Variants in RASAL2 observed in about 807,000 individuals in gnomAD.
RASAL2 encodes the protein RAS protein activator like 2.
RASAL2 carries 58 observed loss-of-function variants against 128.9 expected under a neutral mutation model. The observed-to-expected ratio is 0.45, with a 90% CI of 0.36 to 0.56. The LOEUF is 0.56. RASAL2 is among the 20% of genes least tolerant of loss of function. The probability of loss-of-function intolerance (pLI) is 0.00; values close to 1 mark genes in which losing one functional copy is unlikely to be tolerated. For missense variants in RASAL2, 1,360 were observed against 1,601.6 expected, an observed-to-expected ratio of 0.85 and a Z score of 2.57; for synonymous variants, 561 against 580.8, an observed-to-expected ratio of 0.97 and a Z score of 0.49.
intron 1 of RASAL2, among the ~76,000 whole-genome samples, chr1:178,182,708 A>G (rs1436047061): frequency 6.6e-6 from 1 of 152,114 alleles, no homozygotes; most frequent in Admixed American, 6.6e-5. Flanking sequence ...TTTCAGTTCC[A>G]ATACATGTAT....
At chr1:178,221,755 A>T (rs1001744662) in intron 1 of RASAL2, among the ~76,000 whole-genome samples, 26 of 152,210 alleles carry the variant, frequency 1.7e-4, no homozygotes, top group African/African-American at 6.3e-4. Flanking sequence ...AGTAGTCTGT[A>T]GATGTCAGGT....
At chr1:178,200,299 ATG>A (rs1449373225) in intron 1 of RASAL2, among the ~76,000 whole-genome samples, 2 of 152,180 alleles carry the variant, frequency 1.3e-5, no homozygotes, top group Non-Finnish European at 2.9e-5. Context: ...ACTTCTAATA[ATG>A]TGGAGAACAG....
At chr1:178,311,086 A>T (rs1453391538) in intron 3 of RASAL2, among the ~76,000 whole-genome samples, 1 of 152,122 alleles carries the variant, frequency 6.6e-6, no homozygotes, top group African/African-American at 2.4e-5. Context: ...TGATTTTTAG[A>T]TTCAGCCTGG....
chr1:178,371,095 G>A (rs903080509), intron 3 of RASAL2, among the ~76,000 whole-genome samples: 5 of 151,542 alleles, frequency 3.3e-5, no homozygotes, highest in African/African-American at 1.2e-4. Context: ...TTATGGTTCT[G>A]TGAACATACC....
intron 4 of RASAL2, among the ~76,000 whole-genome samples, chr1:178,393,900 G>A (rs937077884): frequency 1.3e-5 from 2 of 151,874 alleles, no homozygotes; most frequent in African/African-American, 4.8e-5. Flanking sequence ...ATATTCTCTT[G>A]GTATTACTGA....
Position 178,443,171 on chromosome 1 carries a change from A to G in RASAL2, c.1424A>G (p.Asn475Ser). ...SVLEPVISVR[N>S]KEELACALVH... ...CTTGAGCCAGTAATTAGTGTGAGAA[A>G]TAAAGAGGAGTTGGCTTGTGCCTTA... Residue 475 changes from asparagine to serine, a missense_variant, in exon 8 of 18, where the codon AAT becomes AGT. Physicochemically the swap from Asn to Ser is conservative, Grantham distance 46. Coordinates refer to ENST00000367649, the MANE Select transcript of RASAL2 (RefSeq NM_170692.4). 6.2e-7 allele frequency: 1 copy of G among 1,613,822 alleles called. No homozygotes were observed. Among genetic ancestry groups the G allele is most frequent in the Non-Finnish European group, 8.5e-7 (1 of 1,179,774 alleles).
At chr1:178,297,016 CA>C (rs1667544796) in intron 2 of RASAL2, among the ~76,000 whole-genome samples, 1 of 150,218 alleles carries the variant, frequency 6.7e-6, no homozygotes, top group Non-Finnish European at 1.5e-5. Flanking sequence ...AGAAGAAGCC[CA>C]GTACAGGGCC....
intron 1 of RASAL2, among the ~76,000 whole-genome samples, chr1:178,173,913 T>TAA (rs373439890): frequency 2.1e-5 from 3 of 142,992 alleles, no homozygotes; most frequent in African/African-American, 5.6e-5. Flanking sequence ...TTTTTTTTTT[T>TAA]TAAAAAAGTT....
chr1:178,221,229 T>C (rs574351808), intron 1 of RASAL2, among the ~76,000 whole-genome samples: 1 of 152,336 alleles, frequency 6.6e-6, no homozygotes, highest in African/African-American at 2.4e-5. Context: ...TCTTGTTTGG[T>C]TAGGAGGCTG....
At chr1:178,259,880 G>C (rs986429678) in intron 1 of RASAL2, among the ~76,000 whole-genome samples, 12 of 152,114 alleles carry the variant, frequency 7.9e-5, no homozygotes, top group African/African-American at 2.9e-4. Flanking sequence ...GATATCACTA[G>C]TGATGTTTAT....
chr1:178,166,721 A>G (rs1284599595), intron 1 of RASAL2, among the ~76,000 whole-genome samples: 9 of 152,120 alleles, frequency 5.9e-5, no homozygotes, highest in African/African-American at 1.2e-4. Flanking sequence ...GAAATATTCA[A>G]ATATGAAGAC....
chr1:178,293,057 A>G (rs982716057), intron 2 of RASAL2, among the ~76,000 whole-genome samples: 5 of 152,206 alleles, frequency 3.3e-5, no homozygotes, highest in Non-Finnish European at 7.3e-5. Flanking sequence ...TGAGCTACCT[A>G]TGGCATATTT....
At chr1:178,232,275 G>A (rs753379779) in intron 1 of RASAL2, among the ~76,000 whole-genome samples, 19 of 152,170 alleles carry the variant, frequency 1.2e-4, no homozygotes, top group Non-Finnish European at 2.5e-4. Context: ...TCTTGGTTCA[G>A]TATAAGGTAC....
intron 1 of RASAL2, among the ~76,000 whole-genome samples, chr1:178,253,566 C>T (rs555941056): frequency 8.5e-5 from 13 of 152,080 alleles, no homozygotes; most frequent in Admixed American, 3.9e-4. Flanking sequence ...TGGGTGCAGG[C>T]GGGTGAGTCC....
At chr1:178,257,105 A>G (rs1665391313) in intron 1 of RASAL2, among the ~76,000 whole-genome samples, 1 of 152,214 alleles carries the variant, frequency 6.6e-6, no homozygotes, top group Non-Finnish European at 1.5e-5. Context: ...ACCACAAAAC[A>G]CTATTGAAAG....
chr1:178,417,216 T>C (rs559307125), intron 4 of RASAL2, among the ~76,000 whole-genome samples: 1 of 152,226 alleles, frequency 6.6e-6, no homozygotes, highest in Admixed American at 6.5e-5. Context: ...TGCTTTTCAG[T>C]TTTGGATGTT....
At chr1:178,428,536 T>G (rs1283736624) in intron 5 of RASAL2, among the ~76,000 whole-genome samples, 1 of 149,702 alleles carries the variant, frequency 6.7e-6, no homozygotes, top group Non-Finnish European at 1.5e-5. Context: ...TAAAAGATCT[T>G]AATTCAGAAC....
At chr1:178,432,168 C>T (rs961898275) in intron 5 of RASAL2, among the ~76,000 whole-genome samples, 1 of 151,854 alleles carries the variant, frequency 6.6e-6, no homozygotes, top group Non-Finnish European at 1.5e-5. Context: ...CTGTTTCAAA[C>T]CCATGTCTCC....
chr1:178,357,625 AC>A (rs1670880836), intron 3 of RASAL2, among the ~76,000 whole-genome samples: 1 of 152,170 alleles, frequency 6.6e-6, no homozygotes, highest in African/African-American at 2.4e-5. Flanking sequence ...TCAGCCAAAA[AC>A]AAAAAACAAA....
Sources: allele counts gnomAD v4.1 joint callset (sites outside exome capture counted in the v4.1 genomes callset), GRCh38; gene constraint gnomAD v4.1.1; transcripts MANE v1.5; gene names NCBI Gene and HGNC (gene_info 2026-07-23, HGNC 2026-07-21).